The following CUL3 variants were observed in gnomAD, a reference collection of about 807,000 sequenced individuals.
The protein encoded by CUL3 is cullin 3, also known as cullin-3.
CUL3 carries 19 observed loss-of-function variants against 89.1 expected under a neutral mutation model. The observed-to-expected ratio is 0.21, with a 90% CI of 0.15 to 0.31. The LOEUF (loss-of-function observed/expected upper bound fraction) is 0.31, where lower values mean the gene tolerates loss of function less well. Ranked by LOEUF, CUL3 falls within the 10% of genes least tolerant of loss-of-function variation. CUL3 has a pLI of 1.00. For missense variants in CUL3, 469 were observed against 942.3 expected, an observed-to-expected ratio of 0.50 and a Z score of 6.58; for synonymous variants, 351 against 308.4, an observed-to-expected ratio of 1.14 and a Z score of -1.45.
intron 11 of CUL3, 29 bp downstream of exon 11, chr2:224,500,334 C>A (rs202245229): frequency 6.2e-7 from 1 of 1,611,420 alleles, no homozygotes; most frequent in African/African-American, 1.3e-5. Flanking sequence ...TACTTGTACA[C>A]AGTGATACAA....
intron 15 of CUL3, among the ~76,000 whole-genome samples, chr2:224,475,075 C>T (rs745429610): frequency 3.9e-5 from 6 of 151,998 alleles, no homozygotes; most frequent in Non-Finnish European, 5.9e-5. Flanking sequence ...TGGAGTGCAG[C>T]GGCGCAATCT....
At chr2:224,548,934 G>C (rs542747888) in intron 2 of CUL3, among the ~76,000 whole-genome samples, 5 of 152,010 alleles carry the variant, frequency 3.3e-5, no homozygotes, top group African/African-American at 1.2e-4. Flanking sequence ...CCTGGGAGGC[G>C]GAGAATGCAG....
intron 3 of CUL3, among the ~76,000 whole-genome samples, chr2:224,534,530 TG>T (rs1693812490): frequency 6.6e-6 from 1 of 152,218 alleles, no homozygotes. Flanking sequence ...ATTCAGCTTT[TG>T]TTTCTCATTG....
intron 3 of CUL3, among the ~76,000 whole-genome samples, chr2:224,523,794 G>A (rs1218594809): frequency 6.6e-6 from 1 of 152,224 alleles, no homozygotes; most frequent in African/African-American, 2.4e-5. Context: ...GACATGCTAA[G>A]TGAAATATGC....
chr2:224,556,194 C>T (rs1267123003), intron 2 of CUL3: 1 of 152,090 alleles, frequency 6.6e-6, no homozygotes, highest in Admixed American at 6.5e-5. Context: ...TCAATGGATG[C>T]TAAAACCATC....
intron 2 of CUL3, among the ~76,000 whole-genome samples, chr2:224,556,805 A>G (rs1694724121): frequency 6.6e-6 from 1 of 152,284 alleles, no homozygotes; most frequent in Non-Finnish European, 1.5e-5. Context: ...TGGTTCAGCA[A>G]TAATAATATT....
chr2:224,489,599 T>C (rs765994585), intron 13 of CUL3, among the ~76,000 whole-genome samples: 21 of 152,158 alleles, frequency 1.4e-4, no homozygotes, highest in Non-Finnish European at 2.5e-4. Context: ...TGGAAAAATA[T>C]TCTATGCTCA....
Position 224,473,343 on chromosome 2 carries a change from G to A in CUL3, c.*902C>T, listed in dbSNP as rs954101790. 2 of 194,312 alleles carry A rather than the reference G, an allele frequency of 1.0e-5. No homozygotes were observed. Among genetic ancestry groups the A allele is most frequent in the African/African-American group, 4.6e-5 (2 of 43,086 alleles). The allele number at this position is 194,312 out of a possible 1,614,324, so 12.0% of individuals were successfully genotyped here. The stretch of plus-strand genomic sequence containing the variant: ...AAGTATAGACTGTATGTGCTTTTCA[G>A]AGGGGCTGAATTAAATATAACCAGC... On this transcript the variant is annotated 3_prime_UTR_variant, in exon 16 of 16. Transcript: ENST00000264414.
chr2:224,517,566 G>A (rs1693105202), intron 3 of CUL3, among the ~76,000 whole-genome samples: 1 of 152,138 alleles, frequency 6.6e-6, no homozygotes, highest in African/African-American at 2.4e-5. Context: ...CCAGCTACTC[G>A]GGAGGCTGAG....
chr2:224,553,998 C>T (rs940010702), intron 2 of CUL3, among the ~76,000 whole-genome samples: 2 of 152,108 alleles, frequency 1.3e-5, no homozygotes, highest in African/African-American at 4.8e-5. Context: ...TCTACTGGAC[C>T]ATATCTTCAA....
intron 1 of CUL3, among the ~76,000 whole-genome samples, chr2:224,580,237 T>A (rs1695401286): frequency 6.6e-6 from 1 of 152,238 alleles, no homozygotes; most frequent in East Asian, 1.9e-4. Flanking sequence ...GAATAAACTT[T>A]TCCTTTGTCA....
At chr2:224,554,029 A>C (rs1005992901) in intron 2 of CUL3, among the ~76,000 whole-genome samples, 3 of 152,158 alleles carry the variant, frequency 2.0e-5, no homozygotes, top group African/African-American at 7.2e-5. Context: ...ACCATACTGG[A>C]GCCCAAAACT....
intron 1 of CUL3, among the ~76,000 whole-genome samples, chr2:224,566,901 T>C (rs1011894593): frequency 6.6e-6 from 1 of 152,206 alleles, no homozygotes; most frequent in Non-Finnish European, 1.5e-5. Flanking sequence ...TAGCGATGGC[T>C]TCACAAACTT....
intron 13 of CUL3, among the ~76,000 whole-genome samples, chr2:224,488,625 C>T (rs558064139): frequency 1.3e-4 from 19 of 151,852 alleles, no homozygotes; most frequent in African/African-American, 4.6e-4. Context: ...CAGTAATAGC[C>T]TACCAACCCA....
intron 1 of CUL3, among the ~76,000 whole-genome samples, chr2:224,573,914 G>A (rs546258714): frequency 5.9e-5 from 9 of 152,118 alleles, no homozygotes; most frequent in African/African-American, 2.2e-4. Flanking sequence ...CATTCAACAA[G>A]TTGTCACTAA....
At chr2:224,530,637 T>C (rs1693662804) in intron 3 of CUL3, among the ~76,000 whole-genome samples, 1 of 152,264 alleles carries the variant, frequency 6.6e-6, no homozygotes, top group African/African-American at 2.4e-5. Flanking sequence ...TTGGGCACAG[T>C]GGCTCATGCC....
intron 1 of CUL3, among the ~76,000 whole-genome samples, chr2:224,578,984 T>C (rs1251755165): frequency 6.6e-6 from 1 of 152,212 alleles, no homozygotes; most frequent in Non-Finnish European, 1.5e-5. Context: ...CTAATTTGTT[T>C]GAATCAAGTT....
At chr2:224,500,710 C>T (rs1365374762) in intron 10 of CUL3, among the ~76,000 whole-genome samples, 2 of 151,028 alleles carry the variant, frequency 1.3e-5, no homozygotes, top group East Asian at 3.9e-4. Context: ...ACTGCAACCT[C>T]CGCCTCCCAG....
chr2:224,516,340 T>G (rs1291886838), intron 3 of CUL3, among the ~76,000 whole-genome samples: 2 of 148,094 alleles, frequency 1.4e-5, no homozygotes, highest in African/African-American at 5.0e-5. Flanking sequence ...TTTTTTGATA[T>G]GGGGTGTCGC....
Sources: gnomAD v4.1 joint callset for allele counts (sites outside exome capture counted in the v4.1 genomes callset) on GRCh38, gnomAD v4.1.1 for gene constraint, MANE v1.5 for transcripts, NCBI Gene and HGNC (gene_info 2026-07-23, HGNC 2026-07-21) for gene names.